The following DPYD variants were observed in gnomAD, a reference collection of about 807,000 sequenced individuals.
DPYD encodes the protein dihydropyrimidine dehydrogenase.
Under a neutral mutation model 116.2 loss-of-function variants are expected in DPYD, and 109 were observed. The observed-to-expected ratio is 0.94, with a 90% CI of 0.80 to 1.10. DPYD has a LOEUF of 1.10. Ranked by LOEUF, DPYD falls within the 50% of genes least tolerant of loss-of-function variation. The pLI, the probability that DPYD is intolerant of heterozygous loss-of-function variation, is 0.00. For synonymous variants in DPYD, 440 were observed against 432.0 expected (o/e 1.02, Z -0.23); for missense variants, 1,302 against 1,254.5 (o/e 1.04, Z -0.57).
At chr1:97,426,213 A>G (rs180685762) in intron 14 of DPYD, among the ~76,000 whole-genome samples, 10 of 152,096 alleles carry the variant, frequency 6.6e-5, no homozygotes, top group African/African-American at 2.4e-4. Flanking sequence ...AGATATAGAG[A>G]TAAGGACTTC....
intron 13 of DPYD, among the ~76,000 whole-genome samples, chr1:97,498,979 A>T (rs936850908): frequency 6.6e-6 from 1 of 151,624 alleles, no homozygotes; most frequent in African/African-American, 2.4e-5. Context: ...TCACTGATAG[A>T]TCTACTTGGT....
intron 14 of DPYD, among the ~76,000 whole-genome samples, chr1:97,435,803 G>T (rs1053279788): frequency 2.0e-5 from 3 of 151,810 alleles, no homozygotes; most frequent in African/African-American, 7.2e-5. Context: ...AGTATTCCCT[G>T]TAGGGTACAA....
intron 14 of DPYD, among the ~76,000 whole-genome samples, chr1:97,427,744 T>C (rs1674953436): frequency 6.6e-6 from 1 of 151,932 alleles, no homozygotes; most frequent in Non-Finnish European, 1.5e-5. Flanking sequence ...TCTCAAACAT[T>C]TTTTCCAGAA....
At chr1:97,429,899 AT>A (rs935030594) in intron 14 of DPYD, among the ~76,000 whole-genome samples, 5 of 152,112 alleles carry the variant, frequency 3.3e-5, no homozygotes, top group Non-Finnish European at 7.4e-5. Context: ...GGGGTAATCA[AT>A]AATCAAAATC....
chr1:97,426,954 G>A (rs1369321458), intron 14 of DPYD, among the ~76,000 whole-genome samples: 1 of 152,006 alleles, frequency 6.6e-6, no homozygotes, highest in African/African-American at 2.4e-5. Flanking sequence ...CATTTTATCT[G>A]ATGTCTCTGC....
chr1:97,649,530 CAATT>C (rs1300506114), intron 8 of DPYD, among the ~76,000 whole-genome samples: 3 of 151,892 alleles, frequency 2.0e-5, no homozygotes, highest in African/African-American at 7.2e-5. Context: ...TTGGAAATAA[CAATT>C]AGTTTGCTTA....
intron 11 of DPYD, among the ~76,000 whole-genome samples, chr1:97,558,464 A>G (rs764909970): frequency 1.6e-4 from 24 of 152,160 alleles, no homozygotes; most frequent in Admixed American, 5.9e-4. Flanking sequence ...CATGTGGAGA[A>G]AAAGTATTTC....
chr1:97,651,529 T>C (rs1419903833), intron 8 of DPYD, among the ~76,000 whole-genome samples: 18 of 152,140 alleles, frequency 1.2e-4, no homozygotes, highest in Admixed American at 7.9e-4. Context: ...TCATTTTCTA[T>C]CAGTGCCCAG....
intron 16 of DPYD, among the ~76,000 whole-genome samples, chr1:97,335,982 T>A (rs1026298239): frequency 6.6e-6 from 1 of 152,166 alleles, no homozygotes; most frequent in East Asian, 1.9e-4. Flanking sequence ...TCTTTCTCTA[T>A]CTCTTCAAGT....
intron 3 of DPYD, among the ~76,000 whole-genome samples, chr1:97,754,723 G>A (rs1295666499): frequency 8.5e-5 from 13 of 152,160 alleles, no homozygotes; most frequent in Non-Finnish European, 1.8e-4. Flanking sequence ...TCTTCACAGT[G>A]GTGGAGTCAG....
chr1:97,178,459 G>C (rs972189513), intron 20 of DPYD, among the ~76,000 whole-genome samples: 1 of 152,118 alleles, frequency 6.6e-6, no homozygotes, highest in African/African-American at 2.4e-5. Flanking sequence ...CATGGTGGCA[G>C]GCAAGAGATG....
At chr1:97,755,746 T>A (rs1235243834) in intron 3 of DPYD, among the ~76,000 whole-genome samples, 2 of 152,192 alleles carry the variant, frequency 1.3e-5, no homozygotes, top group African/African-American at 2.4e-5. Context: ...GTTATTTAAA[T>A]CCTTTGTGTC....
At chr1:97,310,522 C>A (rs536238703) in intron 16 of DPYD, among the ~76,000 whole-genome samples, 2 of 151,916 alleles carry the variant, frequency 1.3e-5, no homozygotes, top group South Asian at 4.1e-4. Flanking sequence ...TAAAACAGGA[C>A]AGGCAGTCAA....
chr1:97,264,621 G>A (rs1168383965), intron 18 of DPYD, among the ~76,000 whole-genome samples: 1 of 152,046 alleles, frequency 6.6e-6, no homozygotes, highest in African/African-American at 2.4e-5. Context: ...CTTTTACACA[G>A]TAATAAATTT....
At chr1:97,510,033 G>C (rs529835221) in intron 13 of DPYD, among the ~76,000 whole-genome samples, 59 of 151,754 alleles carry the variant, frequency 3.9e-4, no homozygotes, top group Admixed American at 5.9e-4. Context: ...AACTTTATTT[G>C]GGCAGGAACA....
chr1:97,382,221 C>A (rs896342660), intron 15 of DPYD, among the ~76,000 whole-genome samples, 172 bp downstream of exon 15: 1 of 152,036 alleles, frequency 6.6e-6, no homozygotes. Flanking sequence ...ATTTACATTT[C>A]CATCATTTTA....
rs142983131 is a variant in DPYD at position 97,338,652 on chromosome 1, C to T, written c.2059-32355G>A. Among the ~76,000 whole-genome samples, 20 of 152,140 alleles carry T rather than the reference C, an allele frequency of 1.3e-4. 1 individual carries two copies. The East Asian group carries it at 2.9e-3, about 22-fold the overall frequency. ...TTTATATTTTAGAAGGAACTTTGTC[C>T]CCCTTGGACCTAGAGAGTCTTAGGT... On this transcript the variant is annotated intron_variant, in intron 16 of 22. Coordinates refer to ENST00000370192, the MANE Select transcript of DPYD (RefSeq NM_000110.4).
At chr1:97,909,295 A>G (rs184780888) in intron 1 of DPYD, among the ~76,000 whole-genome samples, 2 of 152,132 alleles carry the variant, frequency 1.3e-5, no homozygotes, top group East Asian at 1.9e-4. Context: ...TCTAAACCTT[A>G]TATTATCAAT....
At chr1:97,130,628 C>T (rs1327492637) in intron 20 of DPYD, among the ~76,000 whole-genome samples, 1 of 152,104 alleles carries the variant, frequency 6.6e-6, no homozygotes, top group African/African-American at 2.4e-5. Flanking sequence ...TTCCTACCAT[C>T]TGATCTTTTC....
Sources: allele counts gnomAD v4.1 joint callset (sites outside exome capture counted in the v4.1 genomes callset), GRCh38; gene constraint gnomAD v4.1.1; transcripts MANE v1.5; gene names NCBI Gene and HGNC (gene_info 2026-07-23, HGNC 2026-07-21).